Variants in DLG2 observed in about 807,000 individuals in gnomAD.
DLG2 encodes disks large homolog 2.
DLG2 carries 45 observed loss-of-function variants against 132.5 expected under a neutral mutation model. The observed-to-expected ratio is 0.34, with a 90% CI of 0.27 to 0.44. The LOEUF (loss-of-function observed/expected upper bound fraction) is 0.44, where lower values mean the gene tolerates loss of function less well. Ranked by LOEUF, DLG2 falls within the 20% of genes least tolerant of loss-of-function variation. The pLI is 1.00. For missense variants in DLG2, 1,045 were observed against 1,196.9 expected, an observed-to-expected ratio of 0.87 and a Z score of 1.87; for synonymous variants, 424 against 419.6, an observed-to-expected ratio of 1.01 and a Z score of -0.13.
At chr11:84,358,602 G>C (rs2098631781) in intron 7 of DLG2, among the ~76,000 whole-genome samples, 1 of 151,722 alleles carries the variant, frequency 6.6e-6, no homozygotes, top group African/African-American at 2.4e-5. Context: ...TAACCACCCA[G>C]GAACAAAGAC....
chr11:84,185,525 G>A (rs1027399436), intron 8 of DLG2, among the ~76,000 whole-genome samples: 10 of 152,070 alleles, frequency 6.6e-5, no homozygotes, highest in Non-Finnish European at 1.0e-4. Context: ...AAACAGGGAC[G>A]ATTTGACTTC....
chr11:84,933,065 T>G (rs1566437292), intron 6 of DLG2, among the ~76,000 whole-genome samples: 1 of 152,230 alleles, frequency 6.6e-6, no homozygotes, highest in Non-Finnish European at 1.5e-5. Flanking sequence ...CTGACTGGCA[T>G]GAGATGGTAT....
At chr11:85,087,244 G>T (rs2068058008) in intron 6 of DLG2, among the ~76,000 whole-genome samples, 1 of 152,132 alleles carries the variant, frequency 6.6e-6, no homozygotes, top group South Asian at 2.1e-4. Context: ...TTGTGATAAG[G>T]GTTTAGGGAA....
intron 5 of DLG2, among the ~76,000 whole-genome samples, chr11:85,131,549 C>G (rs1055185972): frequency 7.9e-5 from 12 of 152,054 alleles, no homozygotes; most frequent in African/African-American, 2.9e-4. Context: ...AACTGGAATA[C>G]TGCATGAGAT....
At chr11:84,199,868 AC>A (rs1352895320) in intron 8 of DLG2, among the ~76,000 whole-genome samples, 1 of 152,092 alleles carries the variant, frequency 6.6e-6, no homozygotes, top group African/African-American at 2.4e-5. Flanking sequence ...AGTGGGAAAG[AC>A]AAAAATATGT....
At chr11:84,358,822 A>G (rs745999750) in intron 7 of DLG2, among the ~76,000 whole-genome samples, 9 of 152,018 alleles carry the variant, frequency 5.9e-5, no homozygotes, top group Non-Finnish European at 1.3e-4. Context: ...AACCTATCAG[A>G]TGTTATTATC....
chr11:84,765,812 C>A (rs1300399778), intron 6 of DLG2, among the ~76,000 whole-genome samples: 3 of 151,856 alleles, frequency 2.0e-5, no homozygotes, highest in Non-Finnish European at 2.9e-5. Flanking sequence ...TTATAGCAAT[C>A]AAAATTATTT....
intron 11 of DLG2, among the ~76,000 whole-genome samples, chr11:84,015,906 T>C (rs1390693246): frequency 3.3e-5 from 5 of 152,180 alleles, no homozygotes; most frequent in African/African-American, 7.2e-5. Flanking sequence ...TATTCAGTAA[T>C]GGGATTGCTA....
chr11:84,794,246 C>A (rs1309929476), intron 6 of DLG2, among the ~76,000 whole-genome samples: 2 of 152,182 alleles, frequency 1.3e-5, no homozygotes, highest in African/African-American at 4.8e-5. Context: ...AACTTCATTG[C>A]ACATTTTAAA....
In DLG2 at chr11:84,232,832, G is replaced by A. The variant is rs190703216; in HGVS notation, c.573+18406C>T. ...GAACTAAAAGAGAGTTTATAAATAA[G>A]AATAAAATATTGAAGAGATCAAGGC... On this transcript the variant is annotated intron_variant, in intron 8 of 27. Coordinates refer to ENST00000376104, the MANE Select transcript of DLG2 (RefSeq NM_001142699.3). Among the ~76,000 whole-genome samples the A allele has an allele frequency of 9.0e-3, 1,376 of 152,202 alleles. 12 individuals carry two copies. The highest frequency in any genetic ancestry group is 0.014 in the Non-Finnish European group (950 of 68,020).
At chr11:84,779,575 C>T (rs991849715) in intron 6 of DLG2, among the ~76,000 whole-genome samples, 1 of 152,146 alleles carries the variant, frequency 6.6e-6, no homozygotes, top group Non-Finnish European at 1.5e-5. Flanking sequence ...CCTGATCGTT[C>T]TGGCTAGGAC....
At chr11:85,243,427 G>GA (rs1394699511) in intron 4 of DLG2, among the ~76,000 whole-genome samples, 5 of 152,066 alleles carry the variant, frequency 3.3e-5, no homozygotes, top group Non-Finnish European at 5.9e-5. Context: ...ATTCTAAGTT[G>GA]AATGAATAAA....
intron 11 of DLG2, among the ~76,000 whole-genome samples, chr11:83,981,068 G>A (rs2092732048): frequency 6.6e-6 from 1 of 152,168 alleles, no homozygotes; most frequent in Admixed American, 6.5e-5. Flanking sequence ...GAGAACAGAA[G>A]TACTGCCAAT....
chr11:84,466,002 C>A (rs1478794906), intron 7 of DLG2, among the ~76,000 whole-genome samples: 1 of 150,860 alleles, frequency 6.6e-6, no homozygotes, highest in African/African-American at 2.4e-5. Context: ...AGATTGAATA[C>A]AGAAATAAGG....
In DLG2 at chr11:83,763,852, T is replaced by C. The variant is rs79841696; in HGVS notation, c.1825+22838A>G. 6.4e-3 allele frequency among the ~76,000 whole-genome samples: 970 copies of C among 152,350 alleles called. 9 individuals are homozygous for C. Among genetic ancestry groups the C allele is most frequent in the African/African-American group, 0.022 (911 of 41,582 alleles). ...TGGTTCCTACAATATTGTCTGTCCT[T>C]CTTCTCTCACTGGTCCTGTCATATT... On this transcript the variant is annotated intron_variant, in intron 18 of 27. Transcript: ENST00000376104.
rs186078014 is a variant in DLG2 at position 84,936,032 on chromosome 11, G to A, written c.357+175629C>T. Among the ~76,000 whole-genome samples, 10 of 152,236 alleles carry A rather than the reference G, an allele frequency of 6.6e-5. No individual in the cohort carries two copies. The East Asian group carries it at 1.5e-3, about 24-fold the overall frequency. ...CCATGCCAGATTTTAAGCTCTGTGA[G>A]GTTAGGAAATACATTTAATGCAATA... On this transcript the variant is annotated intron_variant, in intron 6 of 27. Transcript: ENST00000376104.
intron 4 of DLG2, among the ~76,000 whole-genome samples, chr11:85,245,008 G>C (rs1463586469): frequency 6.6e-6 from 1 of 151,892 alleles, no homozygotes; most frequent in Non-Finnish European, 1.5e-5. Context: ...GGAGCTTAGA[G>C]TTAGGTGGAA....
intron 7 of DLG2, among the ~76,000 whole-genome samples, chr11:84,415,183 G>A (rs1331679394): frequency 6.6e-6 from 1 of 152,124 alleles, no homozygotes; most frequent in Non-Finnish European, 1.5e-5. Context: ...ATCAGAACTT[G>A]TTCTGGAAAT....
chr11:84,808,978 G>C (rs1361476277), intron 6 of DLG2, among the ~76,000 whole-genome samples: 1 of 151,818 alleles, frequency 6.6e-6, no homozygotes, highest in Non-Finnish European at 1.5e-5. Context: ...AAATACTTCA[G>C]ACAAAAGACA....
Sources: allele counts gnomAD v4.1 joint callset (sites outside exome capture counted in the v4.1 genomes callset), GRCh38; gene constraint gnomAD v4.1.1; transcripts MANE v1.5; gene names NCBI Gene and HGNC (gene_info 2026-07-23, HGNC 2026-07-21).